KIAA0319L: variants seen among roughly 807,000 people sequenced by gnomAD.
KIAA0319L encodes KIAA0319 like, also known as dyslexia-associated protein KIAA0319-like protein.
KIAA0319L carries 55 observed loss-of-function variants against 120.1 expected under a neutral mutation model. The observed-to-expected ratio is 0.46, with a 90% CI of 0.37 to 0.57. KIAA0319L has a LOEUF of 0.57. Among genes scored for constraint, KIAA0319L ranks in the 20% least tolerant of loss-of-function variants. KIAA0319L has a pLI of 0.00. For missense variants in KIAA0319L, 1,049 were observed against 1,255.3 expected (o/e 0.84, Z 2.48); for synonymous variants, 398 against 471.9 (o/e 0.84, Z 2.03).
intron 3 of KIAA0319L, among the ~76,000 whole-genome samples, chr1:35,497,272 T>A (rs966029288): frequency 4.0e-5 from 6 of 151,808 alleles, no homozygotes; most frequent in Admixed American, 3.3e-4. Context: ...TCAAACTGGA[T>A]TGTAATAATG....
chr1:35,503,845 T>C (rs1558508354), intron 3 of KIAA0319L, among the ~76,000 whole-genome samples: 2 of 152,036 alleles, frequency 1.3e-5, no homozygotes, highest in Admixed American at 6.6e-5. Flanking sequence ...GATGATCCAC[T>C]TCCACTTAAT....
intron 2 of KIAA0319L, among the ~76,000 whole-genome samples, chr1:35,534,508 A>G (rs1432979393): frequency 6.6e-6 from 1 of 152,196 alleles, no homozygotes; most frequent in African/African-American, 2.4e-5. Context: ...GTCCTTTCCT[A>G]TAACACTGTC....
At chr1:35,517,155 A>C (rs1299374468) in intron 2 of KIAA0319L, among the ~76,000 whole-genome samples, 2 of 152,202 alleles carry the variant, frequency 1.3e-5, no homozygotes, top group African/African-American at 4.8e-5. Flanking sequence ...TACAGACTCA[A>C]TGCTATACCT....
In KIAA0319L at chr1:35,484,767, C is replaced by CAT. The variant is rs56318513; in HGVS notation, c.667-5557_667-5556dup. Among the ~76,000 whole-genome samples the CAT allele has an allele frequency of 2.9e-3, 149 of 51,482 alleles. 1 individual carries two copies. The highest frequency in any genetic ancestry group is 4.2e-3 in the Non-Finnish European group (118 of 28,322). 33.8% of individuals were successfully genotyped at this position (51,482 alleles called of 152,430 possible). On this transcript the variant is annotated intron_variant, in intron 3 of 20. Transcript: ENST00000325722. ...TTTGAACACGATTTAAGTTTTTAAT[C>CAT]ATATATATATATATATATATATATA...
In KIAA0319L at chr1:35,456,140, T is replaced by C. The variant is rs1476734326; in HGVS notation, c.1529A>G (p.Asn510Ser). The C allele has an allele frequency of 1.9e-6, 3 of 1,614,016 alleles. No individual in the cohort carries two copies. Among genetic ancestry groups the C allele is most frequent in the South Asian group, 1.1e-5 (1 of 91,078 alleles). ...GTTTTGGGGCAGGGTGATCACTTGG[T>C]TGGGGCCTGCGTTGGCCACAGGGGG... ...DYPPVANAGP[N>S]QVITLPQNSI... The change falls in exon 10 of 21, where the codon AAC (asparagine) becomes AGC (serine). Residue 510 changes from asparagine to serine, a missense_variant. Transcript: ENST00000325722.
At chr1:35,511,162 A>G (rs1645427027) in intron 2 of KIAA0319L, 1 of 153,452 alleles carries the variant, frequency 6.5e-6, no homozygotes, top group African/African-American at 2.4e-5. Flanking sequence ...TTTGCTGGGC[A>G]TCAGAAAACT....
intron 2 of KIAA0319L, chr1:35,511,284 A>G (rs1467409962): frequency 6.6e-6 from 1 of 152,360 alleles, no homozygotes; most frequent in African/African-American, 2.4e-5. Context: ...AAAACAAAAA[A>G]CCAAAAACCT....
At chr1:35,513,288 A>ATATATATATATTTTTTTTTTT (rs1414704674) in intron 2 of KIAA0319L, among the ~76,000 whole-genome samples, 1 of 85,338 alleles carries the variant, frequency 1.2e-5, no homozygotes, top group African/African-American at 4.3e-5. Context: ...ATATATATAT[A>ATATATATATATTTTTTTTTTT]TTTTTTTTTT....
intron 7 of KIAA0319L, among the ~76,000 whole-genome samples, chr1:35,466,081 A>T (rs1392441461): frequency 1.1e-4 from 16 of 152,160 alleles, no homozygotes; most frequent in Non-Finnish European, 4.4e-5. Flanking sequence ...ATTTCTCTGA[A>T]AATGCAAAAT....
At chr1:35,512,472 G>A (rs1483844991) in intron 2 of KIAA0319L, among the ~76,000 whole-genome samples, 1 of 151,744 alleles carries the variant, frequency 6.6e-6, no homozygotes, top group African/African-American at 2.4e-5. Flanking sequence ...AAAAATCAAG[G>A]AAACAAAAGC....
intron 3 of KIAA0319L, among the ~76,000 whole-genome samples, chr1:35,499,567 A>C (rs1341101223): frequency 6.6e-6 from 1 of 152,166 alleles, no homozygotes; most frequent in Non-Finnish European, 1.5e-5. Flanking sequence ...CAGCAGCCTC[A>C]ATGAATTAAG....
At chr1:35,503,743 A>AATT (rs1214121206) in intron 3 of KIAA0319L, among the ~76,000 whole-genome samples, 1 of 152,046 alleles carries the variant, frequency 6.6e-6, no homozygotes, top group Non-Finnish European at 1.5e-5. Flanking sequence ...TTTATATGTG[A>AATT]ATTTTCTCGT....
chr1:35,437,165 GCTCTCCC>G lies in KIAA0319L; in HGVS notation c.2963-2091_2963-2085del, dbSNP rs1640858013. ...CTAGATGCCACTGGAACACCCCATGGCTCTCCCCTCTCCCTAAGATGTCCGATGTGCT... is the reference window on the plus strand; with the variant it reads ...CTAGATGCCACTGGAACACCCCATGGCTCTCCCTAAGATGTCCGATGTGCT... On this transcript the variant is annotated intron_variant, in intron 20 of 20. Transcript: ENST00000325722. The surrounding 1 kb of genome is among the most constrained non-coding windows in gnomAD (Gnocchi z 4.1). Among the ~76,000 whole-genome samples the G allele has an allele frequency of 6.6e-6, 1 of 152,136 alleles. No homozygotes were observed. The highest frequency in any genetic ancestry group is 1.5e-5 in the Non-Finnish European group (1 of 68,032).
At chr1:35,466,493 G>T in intron 7 of KIAA0319L, 115 bp downstream of exon 7, 1 of 679,300 alleles carries the variant, frequency 1.5e-6, no homozygotes, top group Non-Finnish European at 2.5e-6. Context: ...ACTAGGAATT[G>T]CTGAATAAAT....
chr1:35,530,580 A>C (rs1230256895), intron 2 of KIAA0319L, among the ~76,000 whole-genome samples: 1 of 152,112 alleles, frequency 6.6e-6, no homozygotes, highest in East Asian at 1.9e-4. Flanking sequence ...GCAGATCATA[A>C]ATTTTTCACT....
Position 35,453,755 on chromosome 1 carries a change from G to T in KIAA0319L, c.1781-66C>A, listed in dbSNP as rs1642231420. On this transcript the variant is annotated intron_variant, in intron 11 of 20. Transcript: ENST00000325722. This position sits in a 1 kb window ranked among gnomAD's most constrained non-coding sequence, Gnocchi z 4.1. ...GGTGGGAAAGGAGAGGAACCAATTG[G>T]GACACATGTTCTGGAAGCCATGGAC... is the stretch of plus-strand genomic sequence containing the variant. The T allele has an allele frequency of 6.6e-6, 10 of 1,510,330 alleles. No homozygotes were observed. The highest frequency in any genetic ancestry group is 9.0e-6 in the Non-Finnish European group (10 of 1,113,168). The allele number at this position is 1,510,330 out of a possible 1,614,324, so 93.6% of individuals were successfully genotyped here. A position where few individuals can be genotyped will look rare whatever the true frequency, so the allele number is the denominator to read the frequency against.
intron 3 of KIAA0319L, among the ~76,000 whole-genome samples, chr1:35,485,219 GT>G (rs1644342898): frequency 1.3e-5 from 2 of 152,070 alleles, no homozygotes; most frequent in Non-Finnish European, 1.5e-5. Flanking sequence ...GCTATTTATT[GT>G]TTTTAATAAC....
chr1:35,477,833 AAC>A (rs1643968004), intron 4 of KIAA0319L, among the ~76,000 whole-genome samples: 1 of 152,166 alleles, frequency 6.6e-6, no homozygotes, highest in African/African-American at 2.4e-5. Flanking sequence ...CACTATGGAG[AAC>A]AGTTTGGAGG....
At chr1:35,469,531 T>C (rs1643481192) in intron 6 of KIAA0319L, among the ~76,000 whole-genome samples, 1 of 152,078 alleles carries the variant, frequency 6.6e-6, no homozygotes, top group South Asian at 2.1e-4. Context: ...CAACCACATA[T>C]AAATTCCCCT....
Sources: allele counts gnomAD v4.1 joint callset (sites outside exome capture counted in the v4.1 genomes callset), GRCh38; gene constraint gnomAD v4.1.1; non-coding constraint Gnocchi (gnomAD v3.1); transcripts MANE v1.5; gene names NCBI Gene and HGNC (gene_info 2026-07-23, HGNC 2026-07-21).